The following TFDP2 variants were observed in gnomAD, a reference collection of about 807,000 sequenced individuals.
TFDP2 encodes transcription factor Dp-2 (E2F dimerization partner 2).
In TFDP2, 17 loss-of-function variants were observed where a neutral mutation model predicts 59.3. The observed-to-expected ratio is 0.29, with a 90% CI of 0.20 to 0.43. The LOEUF is 0.43. TFDP2 is among the 20% of genes least tolerant of loss of function. TFDP2 has a pLI of 1.00. For synonymous variants in TFDP2, 180 were observed against 194.7 expected, an observed-to-expected ratio of 0.92 and a Z score of 0.63; for missense variants, 391 against 528.8, an observed-to-expected ratio of 0.74 and a Z score of 2.56.
chr3:142,085,150 ACCTCAAGTGATCCG>A (rs1237369885), intron 3 of TFDP2, among the ~76,000 whole-genome samples: 1 of 152,144 alleles, frequency 6.6e-6, no homozygotes, highest in East Asian at 1.9e-4. Flanking sequence ...CAGACTCCTG[ACCTCAAGTGATCCG>A]CCTGCCTCCC....
chr3:142,044,302 T>C (rs7638352), intron 3 of TFDP2: 170,457 of 201,244 alleles, frequency 0.85, 72,850 homozygotes, highest in African/African-American at 0.97. Flanking sequence ...GGCGCGATCT[T>C]GGCTCACTGC....
At chr3:141,998,081 C>T (rs1943446180) in intron 4 of TFDP2, among the ~76,000 whole-genome samples, 1 of 151,888 alleles carries the variant, frequency 6.6e-6, no homozygotes, top group African/African-American at 2.4e-5. Context: ...CATAGCAATT[C>T]CTTAATAAAC....
chr3:142,085,529 T>G (rs185797747), intron 3 of TFDP2, among the ~76,000 whole-genome samples: 1 of 152,298 alleles, frequency 6.6e-6, no homozygotes, highest in Admixed American at 6.5e-5. Context: ...TTTAATCTTG[T>G]GTATTTGAAC....
chr3:141,969,825 T>G (rs1939438885), intron 9 of TFDP2, among the ~76,000 whole-genome samples: 1 of 152,036 alleles, frequency 6.6e-6, no homozygotes, highest in South Asian at 2.1e-4. Context: ...GTGTCAACAG[T>G]GAACTGCTGC....
chr3:141,984,473 G>A (rs1020099975), intron 6 of TFDP2, among the ~76,000 whole-genome samples: 3 of 152,156 alleles, frequency 2.0e-5, no homozygotes, highest in East Asian at 3.9e-4. Context: ...CACGCCTGGC[G>A]ACAGAGCGAA....
At chr3:142,103,600 C>T (rs1198184519) in intron 1 of TFDP2, among the ~76,000 whole-genome samples, 2 of 152,096 alleles carry the variant, frequency 1.3e-5, no homozygotes, top group African/African-American at 2.4e-5. Context: ...TATGGTCTCA[C>T]TATACAGAGA....
chr3:142,045,304 T>A (rs1035988422), intron 3 of TFDP2, among the ~76,000 whole-genome samples: 7 of 148,498 alleles, frequency 4.7e-5, no homozygotes, highest in Non-Finnish European at 4.5e-5. Context: ...GGACTACAGG[T>A]GCCCACCACA....
intron 1 of TFDP2, among the ~76,000 whole-genome samples, chr3:142,119,152 C>T (rs549007741): frequency 6.6e-6 from 1 of 151,640 alleles, no homozygotes; most frequent in African/African-American, 2.4e-5. Context: ...AAGAGCAAGA[C>T]ACTGTTTCAA....
At chr3:142,105,112 TAAC>T (rs938565995) in intron 1 of TFDP2, among the ~76,000 whole-genome samples, 3 of 152,180 alleles carry the variant, frequency 2.0e-5, no homozygotes, top group African/African-American at 7.2e-5. Context: ...TGAACACTCC[TAAC>T]AACAAAAAAG....
intron 11 of TFDP2, among the ~76,000 whole-genome samples, chr3:141,955,812 A>G (rs1036933579): frequency 2.0e-5 from 3 of 152,184 alleles, no homozygotes; most frequent in African/African-American, 7.2e-5. Context: ...TTATATATTC[A>G]TTTCTTTTTT....
At chr3:142,034,496 C>T (rs1010004912) in intron 3 of TFDP2, among the ~76,000 whole-genome samples, 2 of 152,110 alleles carry the variant, frequency 1.3e-5, no homozygotes, top group African/African-American at 4.8e-5. Context: ...ATAAACAAGA[C>T]ATTGTCCTTA....
intron 6 of TFDP2, among the ~76,000 whole-genome samples, chr3:141,988,006 G>T (rs962316131): frequency 6.6e-6 from 1 of 151,132 alleles, no homozygotes; most frequent in African/African-American, 2.4e-5. Context: ...GAGTGCAGGG[G>T]CCTGATCTTG....
At chr3:142,026,311 C>A (rs1209660751) in intron 3 of TFDP2, among the ~76,000 whole-genome samples, 14 of 147,654 alleles carry the variant, frequency 9.5e-5, no homozygotes, top group Non-Finnish European at 1.7e-4. Flanking sequence ...GATTCCGTCT[C>A]AAAAAAACAA....
At chr3:141,973,124 T>TATATATATATATATATATATA (rs1553761667) in intron 8 of TFDP2, among the ~76,000 whole-genome samples, 4 of 55,360 alleles carry the variant, frequency 7.2e-5, no homozygotes, top group African/African-American at 2.1e-4. Flanking sequence ...TATATATATA[T>TATATATATATATATATATATA]TTTTTTTTTT....
chr3:141,967,534 T>C (rs940635550), intron 9 of TFDP2, among the ~76,000 whole-genome samples: 4 of 152,166 alleles, frequency 2.6e-5, no homozygotes, highest in African/African-American at 9.7e-5. Context: ...ACTCAGGTGA[T>C]CTGCCCGTCT....
intron 7 of TFDP2, 84 bp downstream of exon 7, chr3:141,978,436 G>GT: frequency 7.4e-7 from 1 of 1,355,038 alleles, no homozygotes. Flanking sequence ...AAGTATAGTC[G>GT]TGATTCCTCA....
intron 4 of TFDP2, among the ~76,000 whole-genome samples, chr3:142,003,014 T>A (rs1238114905): frequency 6.6e-6 from 1 of 151,906 alleles, no homozygotes; most frequent in Non-Finnish European, 1.5e-5. Flanking sequence ...CAACTTTTTT[T>A]TTTTTTTAGA....
intron 11 of TFDP2, among the ~76,000 whole-genome samples, chr3:141,955,269 G>A (rs895622213): frequency 1.3e-5 from 2 of 152,136 alleles, no homozygotes; most frequent in Admixed American, 6.5e-5. Flanking sequence ...CTTTACACAC[G>A]AGAGGCACAT....
intron 1 of TFDP2, among the ~76,000 whole-genome samples, chr3:142,141,995 T>C (rs1427322191): frequency 6.6e-6 from 1 of 152,178 alleles, no homozygotes; most frequent in Non-Finnish European, 1.5e-5. Context: ...AGTATCATAC[T>C]GAATGGGGAA....
Sources: gnomAD v4.1 joint callset for allele counts (sites outside exome capture counted in the v4.1 genomes callset) on GRCh38, gnomAD v4.1.1 for gene constraint, MANE v1.5 for transcripts, NCBI Gene and HGNC (gene_info 2026-07-23, HGNC 2026-07-21) for gene names.